KLRG2: variants seen among roughly 807,000 people sequenced by gnomAD.
KLRG2 encodes the protein killer cell lectin like receptor G2.
A neutral mutation model predicts 35.4 loss-of-function variants in KLRG2; 39 were observed. The observed-to-expected ratio is 1.10, with a 90% CI of 0.85 to 1.44. The LOEUF (loss-of-function observed/expected upper bound fraction) is 1.44. Among genes scored for constraint, KLRG2 ranks in the 40% most tolerant of loss-of-function variants. The pLI is 0.00. For missense variants in KLRG2, 632 were observed against 570.9 expected (o/e 1.11, Z -1.09); for synonymous variants, 283 against 265.8 (o/e 1.06, Z -0.63).
At chr7:139,474,579 T>C (rs1186795467) in intron 3 of KLRG2, among the ~76,000 whole-genome samples, 1 of 151,898 alleles carries the variant, frequency 6.6e-6, no homozygotes, top group East Asian at 2.0e-4. Flanking sequence ...GCCAACATGG[T>C]GAAACCCCAT....
Position 139,482,914 on chromosome 7 carries a change from C to A in KLRG2, c.729G>T (p.Glu243Asp). 6.7e-7 allele frequency: 1 copy of A among 1,493,072 alleles called. No individual in the cohort carries two copies. Among genetic ancestry groups the A allele is most frequent in the South Asian group, 1.3e-5 (1 of 77,680 alleles). The allele number at this position is 1,493,072 out of a possible 1,614,324, so 92.5% of individuals were successfully genotyped here. ...TAAGCGTTACGGCCCGGGGCAGCTT[C>A]TCGTCGCCGTCCAACCCCGCGCGGG... is the stretch of plus-strand genomic sequence containing the variant. ...LLPRAGLDGD[E>D]KLPRAVTLTG... Residue 243 changes from glutamate (E) to aspartate (D), a missense_variant, in exon 1 of 5, where the codon GAG becomes GAT. Coordinates refer to ENST00000340940, the MANE Select transcript of KLRG2 (RefSeq NM_198508.4).
chr7:139,448,842 C>T (rs1014305570), downstream of KLRG2: 1 of 152,182 alleles, frequency 6.6e-6, no homozygotes, highest in Non-Finnish European at 1.5e-5. Flanking sequence ...GGCACAGTGG[C>T]TCATACCTGT....
At chr7:139,429,750 T>C in the KLRG2 span, among the ~76,000 whole-genome samples, 1 of 152,224 alleles carries the variant, frequency 6.6e-6, no homozygotes, top group East Asian at 1.9e-4. Flanking sequence ...CAGAACAAAA[T>C]GAAAAGTCTC....
intron 3 of KLRG2, among the ~76,000 whole-genome samples, chr7:139,470,017 A>C (rs1238426284): frequency 6.6e-6 from 1 of 152,110 alleles, no homozygotes; most frequent in African/African-American, 2.4e-5. Flanking sequence ...CAAGAAAAAG[A>C]CCGAGTAATG....
chr7:139,444,418 G>A, the KLRG2 span, among the ~76,000 whole-genome samples: 3 of 152,302 alleles, frequency 2.0e-5, no homozygotes, highest in Admixed American at 2.0e-4. Flanking sequence ...CTGAACTCAG[G>A]TGATCCACCC....
chr7:139,430,428 G>A, the KLRG2 span, among the ~76,000 whole-genome samples: 1 of 151,744 alleles, frequency 6.6e-6, no homozygotes, highest in African/African-American at 2.4e-5. Flanking sequence ...AAAACTATGA[G>A]ATCCCATTAC....
intron 3 of KLRG2, among the ~76,000 whole-genome samples, chr7:139,456,531 T>A (rs1422598040): frequency 6.6e-6 from 1 of 152,088 alleles, no homozygotes; most frequent in East Asian, 1.9e-4. Context: ...ACGCCCAATT[T>A]AGTAGAGATG....
chr7:139,476,922 C>T (rs1311052041), intron 3 of KLRG2, among the ~76,000 whole-genome samples: 1 of 152,166 alleles, frequency 6.6e-6, no homozygotes, highest in African/African-American at 2.4e-5. Flanking sequence ...CTGCCTCACT[C>T]ACTGCTGTCT....
chr7:139,460,905 A>G (rs1796557309), intron 3 of KLRG2, among the ~76,000 whole-genome samples: 1 of 151,928 alleles, frequency 6.6e-6, no homozygotes, highest in Non-Finnish European at 1.5e-5. Flanking sequence ...GTTGCAGTGA[A>G]CTAAGTGGCG....
rs955940513 is a variant in KLRG2 at position 139,482,919 on chromosome 7, C to A, written c.724G>T (p.Asp242Tyr). The A allele has an allele frequency of 1.3e-6, 2 of 1,492,768 alleles. No individual in the cohort carries two copies. Among genetic ancestry groups the A allele is most frequent in the Non-Finnish European group, 1.8e-6 (2 of 1,132,022 alleles). 92.5% of individuals were successfully genotyped at this position (1,492,768 alleles called of 1,614,324 possible). The change falls in exon 1 of 5, where the codon GAC becomes TAC. Residue 242 changes from aspartate (D) to tyrosine (Y), a missense_variant. By Grantham distance (160) the Asp-to-Tyr change is radical (BLOSUM62 -3). Coordinates refer to ENST00000340940, the MANE Select transcript of KLRG2 (RefSeq NM_198508.4). ...GTTACGGCCCGGGGCAGCTTCTCGT[C>A]GCCGTCCAACCCCGCGCGGGGCAAC... ...ALLPRAGLDG[D>Y]EKLPRAVTLT... is the part of the protein sequence containing the mutation.
At chr7:139,455,321 ATT>A (rs557794592) in intron 3 of KLRG2, among the ~76,000 whole-genome samples, 43 of 122,524 alleles carry the variant, frequency 3.5e-4, no homozygotes, top group Non-Finnish European at 3.0e-4. Context: ...CCCGGCCAAG[ATT>A]TTTTTTTTTT....
intron 1 of KLRG2, 149 bp downstream of exon 1, chr7:139,482,735 CGA>C: frequency 1.8e-6 from 1 of 561,358 alleles, no homozygotes; most frequent in Non-Finnish European, 2.8e-6. Flanking sequence ...ATTGTAAGCC[CGA>C]GAGGCCAGAT....
At chr7:139,436,339 C>T in the KLRG2 span, among the ~76,000 whole-genome samples, 1 of 137,096 alleles carries the variant, frequency 7.3e-6, no homozygotes, top group East Asian at 1.9e-4. Context: ...GTCTAGGGAA[C>T]CCCCCCCTTC....
At chr7:139,441,448 ACAT>A in the KLRG2 span, among the ~76,000 whole-genome samples, 3 of 152,102 alleles carry the variant, frequency 2.0e-5, no homozygotes, top group South Asian at 6.2e-4. Flanking sequence ...AGAGAGGGGA[ACAT>A]CACACACTGG....
At chr7:139,453,889 G>C (rs897628813) in intron 4 of KLRG2, among the ~76,000 whole-genome samples, 182 bp from the exon 5 acceptor site, 1 of 152,156 alleles carries the variant, frequency 6.6e-6, no homozygotes, top group Non-Finnish European at 1.5e-5. Flanking sequence ...AGCTGACCCC[G>C]CATCTGTAAA....
the KLRG2 span, among the ~76,000 whole-genome samples, chr7:139,446,273 C>G: frequency 1.3e-5 from 2 of 151,556 alleles, no homozygotes; most frequent in African/African-American, 4.9e-5. Context: ...AATCAGGGTG[C>G]CAGCAGAGCC....
chr7:139,453,595 T>G lies in KLRG2; in HGVS notation c.1222A>C (p.Thr408Pro). The change falls in exon 5 of 5, where the codon ACC (threonine) becomes CCC (proline). Residue 408 changes from threonine to proline, a missense_variant. Transcript: ENST00000340940. ...ACCAGGCAGAGCCCAGATCACTGGGTCCCCTTGGCACAGACCCAGGGTCTT... is the reference window on the plus strand; with the variant it reads ...ACCAGGCAGAGCCCAGATCACTGGGGCCCCTTGGCACAGACCCAGGGTCTT... The part of the protein sequence containing the change: ...TPRPWVCAKG[T>P]Q The G allele has an allele frequency of 1.9e-6, 3 of 1,600,058 alleles. No homozygotes were observed. The highest frequency in any genetic ancestry group is 1.7e-6 in the Non-Finnish European group (2 of 1,173,460).
At chr7:139,471,891 C>G (rs1796763067) in intron 3 of KLRG2, among the ~76,000 whole-genome samples, 1 of 151,904 alleles carries the variant, frequency 6.6e-6, no homozygotes. Flanking sequence ...GTGTGTGTCT[C>G]AGAGAGGTGT....
chr7:139,432,053 A>T, the KLRG2 span, among the ~76,000 whole-genome samples: 58 of 67,268 alleles, frequency 8.6e-4, no homozygotes, highest in African/African-American at 3.1e-3. Flanking sequence ...TGTATGTTTT[A>T]AAAAAAAAAA....
Sources: gnomAD v4.1 joint callset for allele counts (sites outside exome capture counted in the v4.1 genomes callset) on GRCh38, gnomAD v4.1.1 for gene constraint, MANE v1.5 for transcripts, NCBI Gene and HGNC (gene_info 2026-07-23, HGNC 2026-07-21) for gene names.